KIAA0930: variants seen among roughly 807,000 people sequenced by gnomAD.
KIAA0930 encodes KIAA0930, also known as uncharacterized protein KIAA0930.
Under a neutral mutation model 43.9 loss-of-function variants are expected in KIAA0930, and 24 were observed. That is an observed-to-expected ratio of 0.55 (90% CI 0.40 to 0.77). The LOEUF (loss-of-function observed/expected upper bound fraction) is 0.77, where lower values mean the gene tolerates loss of function less well. KIAA0930 is among the 30% of genes least tolerant of loss of function. KIAA0930 has a pLI of 0.00. For missense variants in KIAA0930, 461 were observed against 574.2 expected (o/e 0.80, Z 2.02); for synonymous variants, 259 against 216.4 (o/e 1.20, Z -1.73).
intron 8 of KIAA0930, among the ~76,000 whole-genome samples, chr22:45,198,892 C>A (rs1482949257): frequency 6.6e-6 from 1 of 152,188 alleles, no homozygotes; most frequent in Non-Finnish European, 1.5e-5. Flanking sequence ...CTCAGGTGAT[C>A]CACCCGCCTC....
At chr22:45,199,725 T>C (rs924198453) in intron 8 of KIAA0930, 148 bp downstream of exon 8, 2 of 842,052 alleles carry the variant, frequency 2.4e-6, no homozygotes, top group African/African-American at 3.5e-5. Context: ...ACCCCTCAGC[T>C]CCTGGAGGGC....
At chr22:45,214,540 A>T (rs1041697015) in intron 1 of KIAA0930, among the ~76,000 whole-genome samples, 5 of 152,226 alleles carry the variant, frequency 3.3e-5, no homozygotes, top group Non-Finnish European at 7.3e-5. Context: ...GACTTAAAGC[A>T]GGAGGGTGGT....
chr22:45,215,547 T>A (rs974520281), intron 1 of KIAA0930, among the ~76,000 whole-genome samples: 6 of 152,186 alleles, frequency 3.9e-5, no homozygotes, highest in African/African-American at 1.4e-4. Flanking sequence ...GGACACAATA[T>A]CCTGCCATTT....
intron 1 of KIAA0930, among the ~76,000 whole-genome samples, chr22:45,232,025 C>CT (rs551103941): frequency 1.3e-5 from 2 of 152,236 alleles, no homozygotes; most frequent in South Asian, 4.1e-4. Flanking sequence ...GCACAAGGGT[C>CT]TTGAATGGCT....
intron 7 of KIAA0930, chr22:45,202,638 C>T (rs2083598985): frequency 5.0e-6 from 1 of 200,228 alleles, no homozygotes; most frequent in East Asian, 1.2e-4. Flanking sequence ...GCCTGGGTCC[C>T]CAGCCAGTCT....
At chr22:45,222,136 G>C (rs1353883548) in intron 1 of KIAA0930, among the ~76,000 whole-genome samples, 5 of 152,134 alleles carry the variant, frequency 3.3e-5, no homozygotes, top group Non-Finnish European at 5.9e-5. Context: ...GAATAAGGTT[G>C]GGTCCCTGCT....
intron 1 of KIAA0930, among the ~76,000 whole-genome samples, chr22:45,215,137 G>C (rs764574915): frequency 6.6e-6 from 1 of 152,002 alleles, no homozygotes; most frequent in Non-Finnish European, 1.5e-5. Flanking sequence ...AGAATCACTT[G>C]AACCCGGGAG....
intron 1 of KIAA0930, among the ~76,000 whole-genome samples, chr22:45,214,419 A>C (rs1395741417): frequency 1.3e-5 from 2 of 152,240 alleles, no homozygotes; most frequent in East Asian, 3.8e-4. Flanking sequence ...TCCACACTAC[A>C]CTGTGGATAA....
chr22:45,231,022 A>G (rs133394), intron 1 of KIAA0930, among the ~76,000 whole-genome samples: 1 of 151,664 alleles, frequency 6.6e-6, no homozygotes, highest in Non-Finnish European at 1.5e-5. Context: ...ACTGAGGCAG[A>G]TGGATCACCT....
At position 45,240,658 on chromosome 22, in the gene KIAA0930, G is replaced by A; in HGVS notation, c.46C>T (p.Arg16Cys). The part of the protein sequence containing the change: ...AEERGRLSLR[R>C]EVCGLGCFKD... The stretch of plus-strand genomic sequence containing the variant: ...CACTCACCGAGGCCGCAGACCTCGC[G>A]GCGCAGGCTAAGACGGCCGCGCTCC... Residue 16 changes from arginine (R) to cysteine (C), a missense_variant, in exon 1 of 10, where the codon CGC (arginine) becomes TGC (cysteine). Arg to Cys is a radical substitution (Grantham distance 180). Transcript: ENST00000336156. 6.6e-7 allele frequency: 1 copy of A among 1,525,470 alleles called. No homozygotes were observed. Among genetic ancestry groups the A allele is most frequent in the South Asian group, 1.2e-5 (1 of 83,546 alleles). 94.5% of individuals were successfully genotyped at this position (1,525,470 alleles called of 1,614,324 possible).
chr22:45,232,719 A>G (rs1490246236), intron 1 of KIAA0930, among the ~76,000 whole-genome samples: 3 of 152,134 alleles, frequency 2.0e-5, no homozygotes, highest in Non-Finnish European at 2.9e-5. Flanking sequence ...AGGCACAGGA[A>G]GCCTGGAGTC....
At chr22:45,223,327 G>A (rs917177626) in intron 1 of KIAA0930, among the ~76,000 whole-genome samples, 3 of 152,208 alleles carry the variant, frequency 2.0e-5, no homozygotes, top group East Asian at 1.9e-4. Context: ...AAAGCCAATC[G>A]TTTAAGATGA....
At chr22:45,235,740 CCT>C (rs1484656192) in intron 1 of KIAA0930, among the ~76,000 whole-genome samples, 1 of 152,234 alleles carries the variant, frequency 6.6e-6, no homozygotes, top group African/African-American at 2.4e-5. Context: ...TCATTTACTC[CCT>C]GTCACTTCTC....
chr22:45,229,986 C>T (rs966682193), intron 1 of KIAA0930, among the ~76,000 whole-genome samples: 6 of 152,234 alleles, frequency 3.9e-5, no homozygotes, highest in African/African-American at 1.4e-4. Flanking sequence ...ATCTCAGCTA[C>T]TCAGGAGGCT....
intron 7 of KIAA0930, chr22:45,201,073 C>T (rs1307602381): frequency 6.2e-6 from 3 of 480,858 alleles, no homozygotes; most frequent in South Asian, 3.2e-5. Context: ...ACTTCGGGAG[C>T]CCCGTCAGCC....
chr22:45,192,638 A>G lies in KIAA0930; in HGVS notation c.*4538T>C, dbSNP rs1291133384. ...ACTAAAGGGGCAGGGCGGGGAAGAA[A>G]GCGAGCGTGTCGCGGGCTCTGTGGG... On this transcript the variant is annotated 3_prime_UTR_variant, in exon 10 of 10. Transcript: ENST00000336156. The G allele has an allele frequency of 6.6e-6, 1 of 152,246 alleles. No homozygotes were observed. The highest frequency in any genetic ancestry group is 1.5e-5 in the Non-Finnish European group (1 of 68,040). 9.4% of individuals were successfully genotyped at this position (152,246 alleles called of 1,614,324 possible).
At chr22:45,210,300 A>T (rs1227262876) in intron 2 of KIAA0930, among the ~76,000 whole-genome samples, 1 of 152,166 alleles carries the variant, frequency 6.6e-6, no homozygotes, top group Non-Finnish European at 1.5e-5. Context: ...CCCTGGGACG[A>T]CAGAGGGCCT....
rs376639333 is a variant in KIAA0930 at position 45,193,065 on chromosome 22, C to G, written c.*4111G>C. On this transcript the variant is annotated 3_prime_UTR_variant, in exon 10 of 10. Transcript: ENST00000336156. ...TCCAGAGGCTGCTTCCATTCAAGCT[C>G]AAGGGCACGTGCCTTTCCTTATCTC... The G allele has an allele frequency of 6.6e-6, 1 of 152,156 alleles. No homozygotes were observed. Among genetic ancestry groups the G allele is most frequent in the African/African-American group, 2.4e-5 (1 of 41,430 alleles). The allele number at this position is 152,156 out of a possible 1,614,324, so 9.4% of individuals were successfully genotyped here. A position where few individuals can be genotyped will look rare whatever the true frequency, so the allele number is the denominator to read the frequency against.
intron 1 of KIAA0930, among the ~76,000 whole-genome samples, chr22:45,228,823 CCAT>C (rs1311398198): frequency 5.2e-5 from 5 of 96,472 alleles, no homozygotes; most frequent in Non-Finnish European, 1.0e-4. Context: ...TCCACCCCCG[CCAT>C]CACCACTCAC....
Sources: allele counts gnomAD v4.1 joint callset (sites outside exome capture counted in the v4.1 genomes callset), GRCh38; gene constraint gnomAD v4.1.1; transcripts MANE v1.5; gene names NCBI Gene and HGNC (gene_info 2026-07-23, HGNC 2026-07-21).